The following CALN1 variants were observed in gnomAD, a reference collection of about 807,000 sequenced individuals.
CALN1 encodes the protein calcium-binding protein 8.
In CALN1, 17 loss-of-function variants were observed where a neutral mutation model predicts 30.6. The ratio of observed to expected loss-of-function variants is 0.56; its 90% confidence interval spans 0.38 to 0.83. The LOEUF (loss-of-function observed/expected upper bound fraction) is 0.83. Ranked by LOEUF, CALN1 falls within the 40% of genes least tolerant of loss-of-function variation. The probability of loss-of-function intolerance (pLI) is 0.00; values close to 1 mark genes in which losing one functional copy is unlikely to be tolerated. For missense variants in CALN1, 291 were observed against 354.9 expected, an observed-to-expected ratio of 0.82 and a Z score of 1.45; for synonymous variants, 156 against 131.4, an observed-to-expected ratio of 1.19 and a Z score of -1.28.
At chr7:71,905,675 C>T (rs1177590173) in intron 5 of CALN1, among the ~76,000 whole-genome samples, 1 of 151,980 alleles carries the variant, frequency 6.6e-6, no homozygotes, top group Non-Finnish European at 1.5e-5. Flanking sequence ...TAGGGCCTGA[C>T]ATGTCAGTAA....
At chr7:71,962,734 G>A (rs537257500) in intron 5 of CALN1, among the ~76,000 whole-genome samples, 2 of 152,300 alleles carry the variant, frequency 1.3e-5, no homozygotes, top group East Asian at 3.9e-4. Context: ...ACAAATTGCT[G>A]AAAGCTTTAA....
At chr7:72,190,077 C>T (rs1790493652) in intron 3 of CALN1, among the ~76,000 whole-genome samples, 1 of 152,100 alleles carries the variant, frequency 6.6e-6, no homozygotes, top group Non-Finnish European at 1.5e-5. Context: ...AACAAACTGC[C>T]AGGTGCAGTG....
At chr7:72,084,838 G>A (rs746350382) in intron 4 of CALN1, among the ~76,000 whole-genome samples, 5 of 152,068 alleles carry the variant, frequency 3.3e-5, no homozygotes, top group Non-Finnish European at 7.4e-5. Context: ...GGTCAACTGC[G>A]GTTGGAAAAT....
intron 4 of CALN1, among the ~76,000 whole-genome samples, chr7:72,071,104 A>C (rs1469162112): frequency 1.3e-5 from 2 of 152,184 alleles, no homozygotes; most frequent in South Asian, 4.1e-4. Flanking sequence ...GGTAAATTGC[A>C]GTTAATTTCC....
At chr7:72,265,551 G>C (rs999202080) in intron 3 of CALN1, among the ~76,000 whole-genome samples, 10 of 152,152 alleles carry the variant, frequency 6.6e-5, no homozygotes, top group African/African-American at 2.4e-4. Flanking sequence ...TTATCTGGGG[G>C]AGCACGATGG....
chr7:72,086,580 C>G (rs949322143), intron 4 of CALN1, among the ~76,000 whole-genome samples: 3 of 152,002 alleles, frequency 2.0e-5, no homozygotes, highest in African/African-American at 7.3e-5. Flanking sequence ...ACTACCGGCC[C>G]GTGCCACCAT....
rs574176106 is a variant in CALN1, at chr7:72,305,653, T to C, written c.120-26843A>G. On this transcript the variant is annotated intron_variant, in intron 2 of 6. Coordinates refer to ENST00000395275, the MANE Select transcript of CALN1 (RefSeq NM_031468.4). Reference sequence around the variant, plus strand: ...AAATAACTGCACACTGTACCCAACATTGATTGTTGAGAGTTCTCTAGAACA... The same window carrying C: ...AAATAACTGCACACTGTACCCAACACTGATTGTTGAGAGTTCTCTAGAACA... 2.5e-4 allele frequency among the ~76,000 whole-genome samples: 38 copies of C among 152,302 alleles called. No individual in the cohort carries two copies. In the South Asian group the frequency reaches 6.6e-3, roughly 27 times the overall value.
intron 4 of CALN1, among the ~76,000 whole-genome samples, chr7:72,091,352 C>T (rs75992667): frequency 6.6e-6 from 1 of 152,044 alleles, no homozygotes; most frequent in African/African-American, 2.4e-5. Flanking sequence ...CAAACAAACA[C>T]CCCAGTAATT....
At chr7:71,918,209 T>C (rs1410076148) in intron 5 of CALN1, among the ~76,000 whole-genome samples, 1 of 152,236 alleles carries the variant, frequency 6.6e-6, no homozygotes, top group Non-Finnish European at 1.5e-5. Context: ...CACACATGTG[T>C]GCTGCCTGGC....
rs527682512 is a variant in CALN1, at chr7:72,407,151, T to C, written c.-73-3709A>G. On this transcript the variant is annotated intron_variant, in intron 1 of 6. Transcript: ENST00000395275. ...GTAATATTGTTAAGAACATCACTAA[T>C]CAAATTAGACCATCCAGTTCAAATC... Among the ~76,000 whole-genome samples, 25 of 152,276 alleles carry C rather than the reference T, an allele frequency of 1.6e-4. No individual in the cohort carries two copies. The South Asian group carries it at 3.1e-3, about 19-fold the overall frequency.
chr7:72,087,678 T>A (rs1314067240), intron 4 of CALN1, among the ~76,000 whole-genome samples: 1 of 151,878 alleles, frequency 6.6e-6, no homozygotes, highest in East Asian at 1.9e-4. Context: ...AAGCAGGAAA[T>A]ATATGTATGA....
intron 1 of CALN1, among the ~76,000 whole-genome samples, chr7:72,436,850 T>A (rs569932529): frequency 6.6e-6 from 1 of 152,188 alleles, no homozygotes; most frequent in Admixed American, 6.5e-5. Context: ...GCCCAAAAAG[T>A]CTGTCTTGAC....
the CALN1 span, among the ~76,000 whole-genome samples, chr7:72,487,955 A>AAAGGAAGGAAGGAAGG: frequency 3.5e-4 from 19 of 54,388 alleles, no homozygotes; most frequent in Admixed American, 1.2e-3. Context: ...GGAAGGAAGG[A>AAAGGAAGGAAGGAAGG]AAGGAAGGAA....
intron 5 of CALN1, among the ~76,000 whole-genome samples, chr7:71,848,168 C>A (rs1179902349): frequency 4.6e-5 from 7 of 152,112 alleles, no homozygotes; most frequent in Admixed American, 4.6e-4. Flanking sequence ...TTTGGGAATG[C>A]CAATTTTAAA....
At chr7:72,036,088 A>G (rs1170793993) in intron 4 of CALN1, among the ~76,000 whole-genome samples, 1 of 151,996 alleles carries the variant, frequency 6.6e-6, no homozygotes, top group East Asian at 1.9e-4. Context: ...TTTCTCCCTC[A>G]CCTTTGAAGG....
intron 5 of CALN1, among the ~76,000 whole-genome samples, chr7:71,922,673 AAT>A (rs1795019104): frequency 7.2e-6 from 1 of 138,754 alleles, no homozygotes; most frequent in Non-Finnish European, 1.5e-5. Context: ...TAACATACAG[AAT>A]ATATTATATA....
chr7:71,934,287 T>C (rs1278638470), intron 5 of CALN1, among the ~76,000 whole-genome samples: 1 of 152,208 alleles, frequency 6.6e-6, no homozygotes, highest in Non-Finnish European at 1.5e-5. Flanking sequence ...TAGAGAAAAC[T>C]GTGGAAGATT....
chr7:72,084,271 G>A (rs904009715), intron 4 of CALN1, among the ~76,000 whole-genome samples: 1 of 152,016 alleles, frequency 6.6e-6, no homozygotes, highest in African/African-American at 2.4e-5. Flanking sequence ...TTTGTACAGG[G>A]GAAACCAAAC....
At chr7:72,189,767 CAA>C (rs56087252) in intron 3 of CALN1, among the ~76,000 whole-genome samples, 143 of 130,892 alleles carry the variant, frequency 1.1e-3, no homozygotes, top group Middle Eastern at 4.1e-3. Flanking sequence ...GACTTTGTCT[CAA>C]AAAAAAAAAA....
Sources: allele counts gnomAD v4.1 joint callset (sites outside exome capture counted in the v4.1 genomes callset), GRCh38; gene constraint gnomAD v4.1.1; transcripts MANE v1.5; gene names NCBI Gene and HGNC (gene_info 2026-07-23, HGNC 2026-07-21).